ATP5MK: variants seen among roughly 807,000 people sequenced by gnomAD.
The protein encoded by ATP5MK is ATP synthase membrane subunit k, also known as ATP synthase F(0) complex subunit k, mitochondrial.
In ATP5MK, 5 loss-of-function variants were observed where a neutral mutation model predicts 6.6. The observed-to-expected ratio is 0.76, with a 90% CI of 0.40 to 1.60. The LOEUF is 1.60. Among genes scored for constraint, ATP5MK ranks in the 40% most tolerant of loss-of-function variants. The pLI is 0.02. For synonymous variants in ATP5MK, 30 were observed against 24.5 expected (o/e 1.22, Z -0.66); for missense variants, 57 against 66.6 (o/e 0.86, Z 0.50).
intron 2 of ATP5MK, chr10:103,394,473 C>G: frequency 2.5e-6 from 1 of 399,542 alleles, no homozygotes; most frequent in Non-Finnish European, 5.4e-6. Flanking sequence ...CAAAGGCTTT[C>G]AGAGGCATTC....
chr10:103,393,599 AAAT>A (rs2093421216), intron 2 of ATP5MK, among the ~76,000 whole-genome samples: 1 of 151,822 alleles, frequency 6.6e-6, no homozygotes, highest in Admixed American at 6.6e-5. Flanking sequence ...AAAAATAAAT[AAAT>A]AAAAAATAAA....
intron 2 of ATP5MK, chr10:103,394,342 G>T (rs1361155526): frequency 5.6e-6 from 3 of 533,278 alleles, no homozygotes; most frequent in Non-Finnish European, 1.2e-5. Context: ...ACACAGACGA[G>T]CCGGTCGAGG....
chr10:103,395,149 A>T (rs1213549778), intron 2 of ATP5MK, among the ~76,000 whole-genome samples: 1 of 152,138 alleles, frequency 6.6e-6, no homozygotes, highest in Non-Finnish European at 1.5e-5. Flanking sequence ...GAGATAATGG[A>T]GTAAGGTCGA....
At chr10:103,393,678 C>G (rs1200395141) in intron 2 of ATP5MK, among the ~76,000 whole-genome samples, 1 of 152,034 alleles carries the variant, frequency 6.6e-6, no homozygotes, top group African/African-American at 2.4e-5. Context: ...AATGAGTATA[C>G]CCTTTCATCT....
intron 2 of ATP5MK, among the ~76,000 whole-genome samples, chr10:103,395,510 C>T (rs2093430057): frequency 1.3e-5 from 2 of 151,978 alleles, no homozygotes; most frequent in Non-Finnish European, 2.9e-5. Context: ...ACTACTCAGG[C>T]TGGTCTCGAA....
chr10:103,393,113 G>T (rs1331519796), intron 2 of ATP5MK, among the ~76,000 whole-genome samples: 2 of 151,424 alleles, frequency 1.3e-5, no homozygotes, highest in Non-Finnish European at 2.9e-5. Context: ...TCAGGGAAGG[G>T]AAAATATTAA....
In ATP5MK at chr10:103,395,784, G is replaced by A. The variant is rs1454581430; in HGVS notation, c.-48C>T. 6.6e-6 allele frequency: 1 copy of A among 152,260 alleles called. No individual in the cohort carries two copies. Among genetic ancestry groups the A allele is most frequent in the Non-Finnish European group, 1.5e-5 (1 of 68,042 alleles). 9.4% of individuals were successfully genotyped at this position (152,260 alleles called of 1,614,324 possible). On this transcript the variant is annotated 5_prime_UTR_variant, in exon 2 of 5. Coordinates refer to ENST00000369815, the MANE Select transcript of ATP5MK (RefSeq NM_001206427.2). ...ATCACGAGGTAAGGAAGGCAAAGAT[G>A]AGTGAGAACCACTCAGGTAACAGAA...
At chr10:103,395,391 G>A (rs1416751266) in intron 2 of ATP5MK, among the ~76,000 whole-genome samples, 2 of 152,186 alleles carry the variant, frequency 1.3e-5, no homozygotes, top group African/African-American at 2.4e-5. Flanking sequence ...TCCGCTTCCC[G>A]GGGTCAAGCG....
rs1419103675 is a variant in ATP5MK at position 103,389,139 on chromosome 10, G to A, written c.*31C>T. 1 of 152,542 alleles carries A rather than the reference G, an allele frequency of 6.6e-6. No individual in the cohort carries two copies. The highest frequency in any genetic ancestry group is 1.5e-5 in the Non-Finnish European group (1 of 68,032). The allele number at this position is 152,542 out of a possible 1,614,324, so 9.4% of individuals were successfully genotyped here. A position where few individuals can be genotyped will look rare whatever the true frequency, so the allele number is the denominator to read the frequency against. ...CCAGGCATGGGAACTTAACAGATGA[G>A]GTTAAGAACCGTAGACAGTTTAAAA... is the stretch of plus-strand genomic sequence containing the variant. On this transcript the variant is annotated 3_prime_UTR_variant, in exon 5 of 5. Coordinates refer to ENST00000369815, the MANE Select transcript of ATP5MK (RefSeq NM_001206427.2).
At chr10:103,395,641 C>T (rs1012081704) in intron 2 of ATP5MK, 105 bp downstream of exon 2, 1 of 152,262 alleles carries the variant, frequency 6.6e-6, no homozygotes. Context: ...TGCCTCTCTC[C>T]ACCTGTGAGA....
intron 2 of ATP5MK, among the ~76,000 whole-genome samples, chr10:103,394,736 A>G (rs1238509706): frequency 1.4e-5 from 2 of 144,840 alleles, no homozygotes; most frequent in Non-Finnish European, 3.0e-5. Context: ...CTAAAGACAT[A>G]CTTCCCCCCG....
chr10:103,394,635 A>C (rs2093424780), intron 2 of ATP5MK, among the ~76,000 whole-genome samples: 1 of 152,150 alleles, frequency 6.6e-6, no homozygotes, highest in Non-Finnish European at 1.5e-5. Context: ...ATCTCCATTA[A>C]AAATAACTTT....
At chr10:103,392,949 A>AG (rs2093418987) in intron 2 of ATP5MK, among the ~76,000 whole-genome samples, 1 of 152,190 alleles carries the variant, frequency 6.6e-6, no homozygotes. Context: ...AGAAGGGAGA[A>AG]GGGATAATTT....
chr10:103,389,696 G>A (rs564754208), intron 4 of ATP5MK, among the ~76,000 whole-genome samples: 1 of 152,072 alleles, frequency 6.6e-6, no homozygotes, highest in East Asian at 1.9e-4. Context: ...TGATCCTAAA[G>A]GTATACTATT....
intron 2 of ATP5MK, among the ~76,000 whole-genome samples, chr10:103,393,806 A>G (rs982820232): frequency 6.6e-6 from 1 of 152,234 alleles, no homozygotes; most frequent in Non-Finnish European, 1.5e-5. Flanking sequence ...AAGTCCATCT[A>G]TAGAAGACTG....
chr10:103,393,280 G>C (rs535535650), intron 2 of ATP5MK, among the ~76,000 whole-genome samples: 1 of 152,066 alleles, frequency 6.6e-6, no homozygotes, highest in Non-Finnish European at 1.5e-5. Context: ...CTGTTGCTTG[G>C]AGTATAAACT....
In ATP5MK at chr10:103,392,229, T is replaced by C; in HGVS notation, c.142A>G (p.Arg48Gly). The C allele has an allele frequency of 1.9e-6, 3 of 1,613,716 alleles. No homozygotes were observed. The highest frequency in any genetic ancestry group is 2.5e-6 in the Non-Finnish European group (3 of 1,179,912). ...TTCACAGCTGGAGTTTTTTTGGACC[T>C]TAACTTGAAATATAAGACAATCAAT... Reference protein sequence around the residue: ...IALIVLYFKLRSKKTPAVKAT With the variant: ...IALIVLYFKLGSKKTPAVKAT Residue 48 changes from arginine to glycine, a missense_variant, in exon 4 of 5, where the codon AGG becomes GGG. By Grantham distance (125) the Arg-to-Gly change is moderately radical. Transcript: ENST00000369815.
chr10:103,396,440 C>T lies in ATP5MK; in HGVS notation c.-328G>A, dbSNP rs925604057. The T allele has an allele frequency of 2.6e-5, 4 of 152,616 alleles. No individual in the cohort carries two copies. Among genetic ancestry groups the T allele is most frequent in the African/African-American group, 7.2e-5 (3 of 41,576 alleles). 9.5% of individuals were successfully genotyped at this position (152,616 alleles called of 1,614,324 possible). A position where few individuals can be genotyped will look rare whatever the true frequency, so the allele number is the denominator to read the frequency against. ...AAGCCGCAAATTCCGCAGCTGGTGT[C>T]CTTCAACGAATGTAACCACCTCTCG... On this transcript the variant is annotated 5_prime_UTR_variant, in exon 1 of 5. Transcript: ENST00000369815.
rs575209406 is a variant in ATP5MK, at chr10:103,393,363, G to C, written c.-9-897C>G. The stretch of plus-strand genomic sequence containing the variant: ...TTGGGAGGCCAAGGCGGGTGGATGC[G>C]AGGTCAGGAGATCGAGACCATCCTG... On this transcript the variant is annotated intron_variant, in intron 2 of 4. Coordinates refer to ENST00000369815, the MANE Select transcript of ATP5MK (RefSeq NM_001206427.2). Among the ~76,000 whole-genome samples the C allele has an allele frequency of 2.6e-5, 4 of 152,128 alleles. No homozygotes were observed. In the East Asian group the frequency reaches 7.7e-4, roughly 29 times the overall value.
Sources: allele counts gnomAD v4.1 joint callset (sites outside exome capture counted in the v4.1 genomes callset), GRCh38; gene constraint gnomAD v4.1.1; transcripts MANE v1.5; gene names NCBI Gene and HGNC (gene_info 2026-07-23, HGNC 2026-07-21).